AGBL4: variants seen among roughly 807,000 people sequenced by gnomAD.
AGBL4 encodes the protein AGBL carboxypeptidase 4, also known as cytosolic carboxypeptidase 6.
AGBL4 carries 58 observed loss-of-function variants against 66.4 expected under a neutral mutation model. That is an observed-to-expected ratio of 0.87 (90% confidence interval 0.71 to 1.09). The LOEUF is 1.09. AGBL4 is among the 50% of genes least tolerant of loss of function. AGBL4 has a pLI of 0.00. For synonymous variants in AGBL4, 234 were observed against 222.9 expected (o/e 1.05, Z -0.44); for missense variants, 579 against 631.0 (o/e 0.92, Z 0.88).
intron 4 of AGBL4, among the ~76,000 whole-genome samples, chr1:49,230,245 A>C (rs1475130393): frequency 6.6e-6 from 1 of 152,128 alleles, no homozygotes; most frequent in African/African-American, 2.4e-5. Flanking sequence ...CCATTTGTTC[A>C]TTGAGAGTTA....
intron 2 of AGBL4, among the ~76,000 whole-genome samples, chr1:49,792,492 A>G (rs1330122727): frequency 1.3e-5 from 2 of 152,084 alleles, no homozygotes; most frequent in African/African-American, 4.8e-5. Flanking sequence ...AAGTAACAGA[A>G]TGATTATGGT....
intron 3 of AGBL4, among the ~76,000 whole-genome samples, chr1:49,665,891 G>A (rs1034728765): frequency 6.7e-6 from 1 of 148,192 alleles, no homozygotes; most frequent in African/African-American, 2.5e-5. Flanking sequence ...GCCTACAGTA[G>A]TCAATAAAAT....
In AGBL4 at chr1:49,840,626, T is replaced by C. The variant is rs187118891; in HGVS notation, c.157+10770A>G. ...GCAGACACAAAAATTCTCAACAAAA[T>C]ACTAGAAAACTGAATCCAACAGCCC... On this transcript the variant is annotated intron_variant, in intron 2 of 13. Transcript: ENST00000371839. Among the ~76,000 whole-genome samples, 39 of 152,168 alleles carry C rather than the reference T, an allele frequency of 2.6e-4. 1 individual carries two copies. In the South Asian group the frequency reaches 7.5e-3, roughly 29 times the overall value.
rs554159029 is a variant in AGBL4 at position 48,613,570 on chromosome 1, C to T, written c.951+20923G>A. Among the ~76,000 whole-genome samples, 12 of 152,316 alleles carry T rather than the reference C, an allele frequency of 7.9e-5. No homozygotes were observed. In the South Asian group the frequency reaches 1.9e-3, roughly 24 times the overall value. ...TGACTTTGGCCTTGGCTTGAGGACA[C>T]GCTTTGGCTAACGGAATGTGAGCAG... On this transcript the variant is annotated intron_variant, in intron 9 of 13. Coordinates refer to ENST00000371839, the MANE Select transcript of AGBL4 (RefSeq NM_032785.4).
rs1170684735 is a variant in AGBL4, at chr1:48,963,501, C to CTTTT, written c.594+82079_594+82082dup. ...ACAACTTAAAATGTGTAGAATTCAT[C>CTTTT]TTTTTTTTTTTTTTTAATTTCCAGA... On this transcript the variant is annotated intron_variant, in intron 5 of 13. Transcript: ENST00000371839. Among the ~76,000 whole-genome samples, 20 of 144,052 alleles carry CTTTT rather than the reference C, an allele frequency of 1.4e-4. No homozygotes were observed. In the East Asian group the frequency reaches 3.3e-3, roughly 23 times the overall value. 94.5% of individuals were successfully genotyped at this position (144,052 alleles called of 152,430 possible). A position where few individuals can be genotyped will look rare whatever the true frequency, so the allele number is the denominator to read the frequency against.
chr1:48,818,067 G>A (rs1233977387), intron 6 of AGBL4: 3 of 714,494 alleles, frequency 4.2e-6, no homozygotes, highest in Non-Finnish European at 5.2e-6. Flanking sequence ...ATTTGGAAAG[G>A]CCACCATTCT....
intron 1 of AGBL4, among the ~76,000 whole-genome samples, chr1:49,983,051 C>T (rs1659201346): frequency 6.6e-6 from 1 of 152,184 alleles, no homozygotes; most frequent in Non-Finnish European, 1.5e-5. Flanking sequence ...CCTTGTTTAC[C>T]CTCCACTTGT....
intron 3 of AGBL4, among the ~76,000 whole-genome samples, chr1:49,321,885 G>A (rs190532575): frequency 5.3e-4 from 80 of 152,288 alleles, no homozygotes; most frequent in Admixed American, 3.3e-3. Context: ...GCACTGAAGC[G>A]TTTAATTGCT....
At position 48,918,355 on chromosome 1, in the gene AGBL4, G is replaced by T. The variant is rs144350552; in HGVS notation, c.595-51125C>A. On this transcript the variant is annotated intron_variant, in intron 5 of 13. Transcript: ENST00000371839. Reference sequence around the variant, plus strand: ...TGACAATGTTGAGATTTGATAGGATGATGTCAGTGACCTTTCTGCTTTGTG... The same window carrying T: ...TGACAATGTTGAGATTTGATAGGATTATGTCAGTGACCTTTCTGCTTTGTG... Among the ~76,000 whole-genome samples, 15 of 152,334 alleles carry T rather than the reference G, an allele frequency of 9.8e-5. 1 individual carries two copies. The highest frequency in any genetic ancestry group is 3.6e-4 in the African/African-American group (15 of 41,570).
At chr1:50,020,598 G>A (rs1662370958) in intron 1 of AGBL4, among the ~76,000 whole-genome samples, 2 of 152,142 alleles carry the variant, frequency 1.3e-5, no homozygotes, top group African/African-American at 4.8e-5. Flanking sequence ...GATTTCTTCA[G>A]AACGTAGTAT....
At chr1:48,785,254 C>T (rs1055178548) in intron 6 of AGBL4, among the ~76,000 whole-genome samples, 1 of 152,168 alleles carries the variant, frequency 6.6e-6, no homozygotes, top group African/African-American at 2.4e-5. Context: ...ATCAAAGCTC[C>T]ATTAGAGAAG....
chr1:49,491,195 TC>T (rs1647178471), intron 3 of AGBL4, among the ~76,000 whole-genome samples: 1 of 151,758 alleles, frequency 6.6e-6, no homozygotes, highest in Non-Finnish European at 1.5e-5. Context: ...TGTTTTACAA[TC>T]CCAAAGGGCA....
At chr1:48,728,063 A>G in intron 6 of AGBL4, 3 of 1,565,678 alleles carry the variant, frequency 1.9e-6, no homozygotes, top group Non-Finnish European at 2.6e-6. Flanking sequence ...GAGAAGAAAC[A>G]AGGCCAAGGA....
intron 3 of AGBL4, among the ~76,000 whole-genome samples, chr1:49,555,431 C>T (rs1198875278): frequency 6.7e-6 from 1 of 149,130 alleles, no homozygotes; most frequent in African/African-American, 2.5e-5. Context: ...AGACACAGAG[C>T]ACTGATTGGT....
At chr1:49,654,213 T>A (rs1327401792) in intron 3 of AGBL4, among the ~76,000 whole-genome samples, 1 of 152,158 alleles carries the variant, frequency 6.6e-6, no homozygotes, top group Non-Finnish European at 1.5e-5. Context: ...GGTTGTTCAA[T>A]TTCCATGTAG....
chr1:49,427,943 A>G (rs1330231058), intron 3 of AGBL4, among the ~76,000 whole-genome samples: 1 of 151,742 alleles, frequency 6.6e-6, no homozygotes, highest in Non-Finnish European at 1.5e-5. Flanking sequence ...ATTTTTACAG[A>G]GTGCTGACTG....
intron 6 of AGBL4, among the ~76,000 whole-genome samples, chr1:48,864,378 CATT>C (rs759054023): frequency 2.0e-5 from 3 of 152,098 alleles, no homozygotes; most frequent in Non-Finnish European, 4.4e-5. Flanking sequence ...AACAATTGGT[CATT>C]ATGTAGTTAA....
chr1:49,457,401 G>T (rs1372321892), intron 3 of AGBL4, among the ~76,000 whole-genome samples: 2 of 151,296 alleles, frequency 1.3e-5, no homozygotes, highest in African/African-American at 4.8e-5. Context: ...CATTATCTCA[G>T]CCCAGATTGT....
At chr1:49,296,686 T>C (rs1201507419) in intron 3 of AGBL4, among the ~76,000 whole-genome samples, 7 of 152,192 alleles carry the variant, frequency 4.6e-5, no homozygotes, top group Non-Finnish European at 1.5e-5. Context: ...GATAGGAGGA[T>C]AAAACTCTCA....
Sources: allele counts gnomAD v4.1 joint callset (sites outside exome capture counted in the v4.1 genomes callset), GRCh38; gene constraint gnomAD v4.1.1; transcripts MANE v1.5; gene names NCBI Gene and HGNC (gene_info 2026-07-23, HGNC 2026-07-21).